LYPLA1: variants seen among roughly 807,000 people sequenced by gnomAD.
LYPLA1 encodes acyl-protein thioesterase 1.
Under a neutral mutation model 34.0 loss-of-function variants are expected in LYPLA1, and 17 were observed. The observed-to-expected ratio is 0.50, with a 90% confidence interval of 0.34 to 0.75. The LOEUF (loss-of-function observed/expected upper bound fraction) is 0.75, where lower values mean the gene tolerates loss of function less well. LYPLA1 is among the 30% of genes least tolerant of loss of function. The probability of loss-of-function intolerance (pLI) is 0.01; values close to 1 mark genes in which losing one functional copy is unlikely to be tolerated. For synonymous variants in LYPLA1, 98 were observed against 100.8 expected, an observed-to-expected ratio of 0.97 and a Z score of 0.17; for missense variants, 203 against 288.8, an observed-to-expected ratio of 0.70 and a Z score of 2.15.
chr8:54,096,524 G>A (rs1487611485), intron 2 of LYPLA1, among the ~76,000 whole-genome samples: 1 of 152,046 alleles, frequency 6.6e-6, no homozygotes, highest in African/African-American at 2.4e-5. Context: ...AGATTACGAG[G>A]TCAGGAGTTT....
chr8:54,062,758 T>A (rs915853132), intron 4 of LYPLA1, among the ~76,000 whole-genome samples: 2 of 152,140 alleles, frequency 1.3e-5, no homozygotes, highest in South Asian at 4.1e-4. Context: ...TTGATCAGCC[T>A]GCCTCTGCCT....
intron 2 of LYPLA1, among the ~76,000 whole-genome samples, chr8:54,085,439 C>A (rs537187029): frequency 1.6e-3 from 241 of 152,062 alleles, no homozygotes; most frequent in African/African-American, 4.5e-3. Flanking sequence ...GTCTCTGCCC[C>A]GCCGCCCATC....
chr8:54,096,718 G>A (rs1809714439), intron 2 of LYPLA1, among the ~76,000 whole-genome samples: 1 of 151,634 alleles, frequency 6.6e-6, no homozygotes, highest in African/African-American at 2.4e-5. Context: ...ACTCCAGCCT[G>A]GACGACAGGG....
chr8:54,056,774 A>T (rs890116126), intron 5 of LYPLA1, among the ~76,000 whole-genome samples: 2 of 152,098 alleles, frequency 1.3e-5, no homozygotes, highest in African/African-American at 2.4e-5. Context: ...TTAGCTGGGC[A>T]TGGTGGTGCG....
At chr8:54,063,536 G>A (rs1041239568) in intron 3 of LYPLA1, among the ~76,000 whole-genome samples, 161 bp from the exon 4 acceptor site, 1 of 152,192 alleles carries the variant, frequency 6.6e-6, no homozygotes, top group Non-Finnish European at 1.5e-5. Context: ...GTACAACTCT[G>A]CTTTCCACGC....
At chr8:54,052,795 G>A in intron 6 of LYPLA1, 39 bp from the exon 7 acceptor site, 1 of 1,267,816 alleles carries the variant, frequency 7.9e-7, no homozygotes, top group Non-Finnish European at 1.1e-6. Flanking sequence ...GAACACACAT[G>A]CTTGCCCACA....
intron 2 of LYPLA1, among the ~76,000 whole-genome samples, chr8:54,079,272 G>A (rs1360682392): frequency 2.6e-5 from 4 of 152,084 alleles, no homozygotes; most frequent in South Asian, 2.1e-4. Context: ...AAGCCATCAC[G>A]CCCGTCCAGT....
rs943688937 is a variant in LYPLA1 at position 54,101,036 on chromosome 8, C to T, written c.70-97G>A. The T allele has an allele frequency of 5.8e-6, 6 of 1,039,864 alleles. No individual in the cohort carries two copies. The Admixed American group carries it at 5.9e-5, about 10-fold the overall frequency. The allele number at this position is 1,039,864 out of a possible 1,614,324, so 64.4% of individuals were successfully genotyped here. On this transcript the variant is annotated intron_variant, in intron 1 of 8. Coordinates refer to ENST00000316963, the MANE Select transcript of LYPLA1 (RefSeq NM_006330.4). Reference sequence around the variant, plus strand: ...GCTTAAGGTGGAAAACGGAACGAAACCTACGAGAGAATTACACAACACTAT... The same window carrying T: ...GCTTAAGGTGGAAAACGGAACGAAATCTACGAGAGAATTACACAACACTAT...
chr8:54,062,148 G>T, intron 5 of LYPLA1, 106 bp downstream of exon 5: 2 of 777,814 alleles, frequency 2.6e-6, no homozygotes, highest in Non-Finnish European at 4.2e-6. Context: ...GTGAGCCACC[G>T]TGCCCGGCCC....
At chr8:54,048,383 G>C (rs1805617878) in intron 8 of LYPLA1, among the ~76,000 whole-genome samples, 1 of 152,120 alleles carries the variant, frequency 6.6e-6, no homozygotes, top group Non-Finnish European at 1.5e-5. Flanking sequence ...GACACTGGGG[G>C]GCAGGGAAGT....
Position 54,047,411 on chromosome 8 carries a change from T to C in LYPLA1, c.*654A>G, listed in dbSNP as rs1250202973. On this transcript the variant is annotated 3_prime_UTR_variant, in exon 9 of 9. Transcript: ENST00000316963. The stretch of plus-strand genomic sequence containing the variant: ...AAAGAAAAAACAAACTTTTTTTTTT[T>C]TCTTGAGAGAAAAGAGTATTAAATA... 12 of 152,116 alleles carry C rather than the reference T, an allele frequency of 7.9e-5. No individual in the cohort carries two copies. The highest frequency in any genetic ancestry group is 6.5e-4 in the Admixed American group (10 of 15,274). 9.4% of individuals were successfully genotyped at this position (152,116 alleles called of 1,614,324 possible). A position where few individuals can be genotyped will look rare whatever the true frequency, so the allele number is the denominator to read the frequency against.
chr8:54,049,958 C>T (rs1470639861), intron 8 of LYPLA1, among the ~76,000 whole-genome samples: 1 of 152,186 alleles, frequency 6.6e-6, no homozygotes. Flanking sequence ...TACACATCTC[C>T]TTCCCACTCT....
At chr8:54,068,309 G>T (rs892812369) in intron 2 of LYPLA1, among the ~76,000 whole-genome samples, 6 of 152,114 alleles carry the variant, frequency 3.9e-5, no homozygotes, top group African/African-American at 1.2e-4. Flanking sequence ...TTGATCTATG[G>T]AGTCAATGCA....
intron 2 of LYPLA1, among the ~76,000 whole-genome samples, chr8:54,067,693 A>AT (rs762583097): frequency 0.044 from 5,967 of 135,510 alleles, 165 homozygotes; most frequent in Admixed American, 0.071. Context: ...ATGAATGTTA[A>AT]TTTTTTTTTT....
chr8:54,055,863 G>T (rs549141102), intron 5 of LYPLA1, among the ~76,000 whole-genome samples: 153 of 151,902 alleles, frequency 1.0e-3, no homozygotes, highest in Non-Finnish European at 1.8e-3. Flanking sequence ...CAGGATGGTC[G>T]ATCTCCTGAA....
chr8:54,047,451 G>A lies in LYPLA1; in HGVS notation c.*614C>T, dbSNP rs1371391325. 1.3e-5 allele frequency: 2 copies of A among 151,482 alleles called. No individual in the cohort carries two copies. The highest frequency in any genetic ancestry group is 4.8e-5 in the African/African-American group (2 of 41,250). 9.4% of individuals were successfully genotyped at this position (151,482 alleles called of 1,614,324 possible). On this transcript the variant is annotated 3_prime_UTR_variant, in exon 9 of 9. Coordinates refer to ENST00000316963, the MANE Select transcript of LYPLA1 (RefSeq NM_006330.4). ...AGTATTAAATAGAAATAATATCAGG[G>A]AAAATAAAAGCCTGGTCCCAAAATA... is the stretch of plus-strand genomic sequence containing the variant.
chr8:54,099,988 T>C (rs191185876), intron 2 of LYPLA1, among the ~76,000 whole-genome samples: 5 of 152,208 alleles, frequency 3.3e-5, no homozygotes, highest in Admixed American at 3.3e-4. Context: ...CCGGCCCCAA[T>C]GGTTCATTTT....
intron 5 of LYPLA1, among the ~76,000 whole-genome samples, chr8:54,057,339 T>C (rs1806276373): frequency 6.6e-6 from 1 of 152,136 alleles, no homozygotes. Flanking sequence ...GAAATCAGTA[T>C]ATTGAAGAGA....
intron 8 of LYPLA1, among the ~76,000 whole-genome samples, chr8:54,049,559 C>T (rs572020261): frequency 1.3e-5 from 2 of 152,160 alleles, no homozygotes; most frequent in Non-Finnish European, 2.9e-5. Context: ...CCACCTCACC[C>T]GGCCTGTCCT....
Sources: allele counts gnomAD v4.1 joint callset (sites outside exome capture counted in the v4.1 genomes callset), GRCh38; gene constraint gnomAD v4.1.1; transcripts MANE v1.5; gene names NCBI Gene and HGNC (gene_info 2026-07-23, HGNC 2026-07-21).